The following MICOS10 variants were observed in gnomAD, a reference collection of about 807,000 sequenced individuals.
MICOS10 encodes the protein mitochondrial contact site and cristae organizing system subunit 10.
A neutral mutation model predicts 13.4 loss-of-function variants in MICOS10; 5 were observed. That is an observed-to-expected ratio of 0.37 (90% CI 0.20 to 0.78). The LOEUF is 0.78. MICOS10 is among the 30% of genes least tolerant of loss of function. MICOS10 has a pLI of 0.47. For synonymous variants in MICOS10, 35 were observed against 33.6 expected (o/e 1.04, Z -0.15); for missense variants, 101 against 94.6 (o/e 1.07, Z -0.28).
At chr1:19,617,294 C>G (rs2094887704) in intron 1 of MICOS10, 1 of 985,106 alleles carries the variant, frequency 1.0e-6, no homozygotes, top group African/African-American at 1.7e-5. Flanking sequence ...GAAATCCCTG[C>G]AGATGTTCCA....
chr1:19,605,465 G>C (rs2094831203), intron 1 of MICOS10, among the ~76,000 whole-genome samples: 1 of 152,068 alleles, frequency 6.6e-6, no homozygotes, highest in African/African-American at 2.4e-5. Context: ...TTTTGTCTCT[G>C]TGGAGTCTCC....
At chr1:19,610,631 A>G (rs945248713) in intron 1 of MICOS10, among the ~76,000 whole-genome samples, 11 of 151,716 alleles carry the variant, frequency 7.3e-5, no homozygotes, top group African/African-American at 2.2e-4. Flanking sequence ...TCTTTATCCA[A>G]TCTAAGCCAT....
chr1:19,610,567 G>T (rs1452034997), intron 1 of MICOS10, among the ~76,000 whole-genome samples: 2 of 151,344 alleles, frequency 1.3e-5, no homozygotes, highest in Non-Finnish European at 2.9e-5. Flanking sequence ...AACGGATACT[G>T]AGAGACAAGG....
intron 3 of MICOS10, among the ~76,000 whole-genome samples, chr1:19,625,088 C>G (rs1310292081): frequency 6.6e-6 from 1 of 152,214 alleles, no homozygotes; most frequent in Non-Finnish European, 1.5e-5. Context: ...AGTTGTTTCA[C>G]TTCTGAGCTT....
At chr1:19,613,110 G>C (rs2094870192) in intron 1 of MICOS10, among the ~76,000 whole-genome samples, 1 of 152,156 alleles carries the variant, frequency 6.6e-6, no homozygotes, top group African/African-American at 2.4e-5. Flanking sequence ...AAGGTGGAGG[G>C]AGGGCTGTTG....
At chr1:19,623,702 T>A in intron 3 of MICOS10, 119 bp downstream of exon 3, 1 of 685,342 alleles carries the variant, frequency 1.5e-6, no homozygotes, top group East Asian at 2.7e-5. Flanking sequence ...GGCACCACTC[T>A]CAGATACTAA....
intron 1 of MICOS10, chr1:19,617,171 A>C: frequency 1.7e-6 from 1 of 573,106 alleles, no homozygotes; most frequent in Non-Finnish European, 2.2e-6. Context: ...CTTTTCTTGA[A>C]GCAGAGCACA....
At chr1:19,618,800 T>C (rs2094893664) in intron 1 of MICOS10, among the ~76,000 whole-genome samples, 1 of 152,244 alleles carries the variant, frequency 6.6e-6, no homozygotes, top group Non-Finnish European at 1.5e-5. Context: ...GCTTCTAGGA[T>C]CTTAAAGACT....
intron 1 of MICOS10, among the ~76,000 whole-genome samples, chr1:19,610,142 A>G (rs1177090377): frequency 6.6e-6 from 1 of 152,142 alleles, no homozygotes; most frequent in Non-Finnish European, 1.5e-5. Flanking sequence ...CTCCATTTCA[A>G]AAAGAAGAAA....
intron 1 of MICOS10, chr1:19,600,894 C>T (rs748252535): frequency 2.6e-5 from 34 of 1,289,286 alleles, no homozygotes; most frequent in Non-Finnish European, 3.3e-5. Flanking sequence ...AGCCACCACA[C>T]CTGGTCCATC....
intron 1 of MICOS10, among the ~76,000 whole-genome samples, chr1:19,620,435 C>T (rs1162110058): frequency 6.6e-6 from 1 of 152,168 alleles, no homozygotes; most frequent in East Asian, 1.9e-4. Context: ...TTAAGTAAAA[C>T]ATTGCAATTA....
At chr1:19,600,892 C>A (rs1409833830) in intron 1 of MICOS10, 2 of 1,289,236 alleles carry the variant, frequency 1.6e-6, no homozygotes, top group Admixed American at 2.3e-5. Context: ...TGAGCCACCA[C>A]ACCTGGTCCA....
chr1:19,604,212 A>G (rs540981407), intron 1 of MICOS10, among the ~76,000 whole-genome samples: 1 of 152,310 alleles, frequency 6.6e-6, no homozygotes, highest in South Asian at 2.1e-4. Context: ...CTTACTAAAT[A>G]TTATTAACTG....
intron 3 of MICOS10, chr1:19,625,385 A>G: frequency 1.6e-6 from 2 of 1,288,872 alleles, no homozygotes; most frequent in Non-Finnish European, 2.0e-6. Context: ...TGCACCTGCC[A>G]TTTTAGAACC....
At chr1:19,619,867 G>T (rs973165493) in intron 1 of MICOS10, among the ~76,000 whole-genome samples, 1 of 152,150 alleles carries the variant, frequency 6.6e-6, no homozygotes, top group Non-Finnish European at 1.5e-5. Context: ...ATTCCATAAG[G>T]CTCCTTTGTT....
intron 1 of MICOS10, among the ~76,000 whole-genome samples, chr1:19,611,149 A>G (rs1381396948): frequency 1.3e-5 from 2 of 151,858 alleles, no homozygotes; most frequent in Admixed American, 1.3e-4. Flanking sequence ...ACAGGGTTTC[A>G]CCATATTGGC....
chr1:19,598,865 A>C (rs1045902464), intron 1 of MICOS10, among the ~76,000 whole-genome samples: 5 of 152,132 alleles, frequency 3.3e-5, no homozygotes, highest in African/African-American at 1.2e-4. Flanking sequence ...TAGTCATAAT[A>C]ACTGGCTTTT....
intron 1 of MICOS10, among the ~76,000 whole-genome samples, chr1:19,616,347 G>A (rs878948194): frequency 2.0e-5 from 3 of 152,218 alleles, no homozygotes; most frequent in Non-Finnish European, 2.9e-5. Context: ...TCCAGTTACT[G>A]TTGGTACAGA....
chr1:19,625,515 CAGCTGTGTGGCACTGA>C (rs2094918857), intron 3 of MICOS10: 1 of 1,289,336 alleles, frequency 7.8e-7, no homozygotes, highest in East Asian at 5.5e-5. Flanking sequence ...AGAAGAGGCG[CAGCTGTGTGGCACTGA>C]AGCCGGCAGC....
Sources: allele counts gnomAD v4.1 joint callset (sites outside exome capture counted in the v4.1 genomes callset), GRCh38; gene constraint gnomAD v4.1.1; transcripts MANE v1.5; gene names NCBI Gene and HGNC (gene_info 2026-07-23, HGNC 2026-07-21).